OR6N1: variants seen among roughly 807,000 people sequenced by gnomAD.
OR6N1 encodes the protein olfactory receptor 6N1.
For missense variants in OR6N1, 394 were observed against 371.7 expected, an observed-to-expected ratio of 1.06 and a Z score of -0.49; for synonymous variants, 170 against 150.7, an observed-to-expected ratio of 1.13 and a Z score of -0.94.
the OR6N1 span, among the ~76,000 whole-genome samples, chr1:158,808,040 C>T: frequency 6.7e-6 from 1 of 149,078 alleles, no homozygotes; most frequent in Non-Finnish European, 1.5e-5. Flanking sequence ...AGCTGATTCT[C>T]ACAATTACCA....
At chr1:158,827,559 T>C in the OR6N1 span, among the ~76,000 whole-genome samples, 3 of 152,220 alleles carry the variant, frequency 2.0e-5, no homozygotes, top group Non-Finnish European at 4.4e-5. Flanking sequence ...CATCTATTTT[T>C]TGCAATATAC....
chr1:158,798,424 G>A, the OR6N1 span, among the ~76,000 whole-genome samples: 13 of 151,482 alleles, frequency 8.6e-5, no homozygotes, highest in East Asian at 1.7e-3. Flanking sequence ...TATACTTTTT[G>A]TTATTGTTCA....
the OR6N1 span, among the ~76,000 whole-genome samples, chr1:158,829,864 G>A: frequency 6.6e-6 from 1 of 152,272 alleles, no homozygotes; most frequent in South Asian, 2.1e-4. Flanking sequence ...GCAAGGAGGA[G>A]CAAGTCACAT....
the OR6N1 span, among the ~76,000 whole-genome samples, chr1:158,830,866 G>T: frequency 6.6e-6 from 1 of 152,104 alleles, no homozygotes; most frequent in African/African-American, 2.4e-5. Flanking sequence ...CAAGCTCCAG[G>T]TGTATCAGTT....
chr1:158,810,575 T>C, the OR6N1 span, among the ~76,000 whole-genome samples: 4 of 152,242 alleles, frequency 2.6e-5, no homozygotes, highest in South Asian at 4.1e-4. Context: ...CTGTGGACTT[T>C]ACAGTTTAAT....
At chr1:158,827,690 T>C in the OR6N1 span, among the ~76,000 whole-genome samples, 8 of 152,166 alleles carry the variant, frequency 5.3e-5, no homozygotes, top group Admixed American at 5.2e-4. Context: ...GGGAAATAAA[T>C]ATTTGGGAAA....
At chr1:158,839,204 C>G in the OR6N1 span, among the ~76,000 whole-genome samples, 3 of 152,256 alleles carry the variant, frequency 2.0e-5, no homozygotes, top group South Asian at 6.2e-4. Flanking sequence ...CCATTGTTAA[C>G]TGGCACCATA....
At position 158,765,813 on chromosome 1, in the gene OR6N1, G is replaced by T. The variant is rs1447009284; in HGVS notation, c.870C>A (p.Tyr290Ter). 6.2e-7 allele frequency: 1 copy of T among 1,614,190 alleles called. No homozygotes were observed. The highest frequency in any genetic ancestry group is 8.5e-7 in the Non-Finnish European group (1 of 1,180,022). Reference protein sequence around the residue: ...VLTPFLNPFIYSLRNKEIKEA... With the variant: ...VLTPFLNPFI ...CCTTGATCTCCTTGTTGCGCAAGCT[G>T]TAGATGAAGGGGTTGAGGAAGGGTG... is the stretch of plus-strand genomic sequence containing the variant. Residue 290 changes from tyrosine to a stop codon, truncating the protein, a stop_gained, in exon 2 of 2, where the codon TAC becomes TAA. Transcript: ENST00000641846. LOFTEE classifies it low-confidence loss of function (END_TRUNC).
chr1:158,798,436 A>G, the OR6N1 span, among the ~76,000 whole-genome samples: 2 of 151,808 alleles, frequency 1.3e-5, no homozygotes, highest in South Asian at 2.1e-4. Context: ...TATTGTTCAG[A>G]TATAGATGTT....
At chr1:158,799,357 T>C in the OR6N1 span, among the ~76,000 whole-genome samples, 1 of 152,212 alleles carries the variant, frequency 6.6e-6, no homozygotes, top group Non-Finnish European at 1.5e-5. Flanking sequence ...TGCAGGCTCA[T>C]ATAAATCGTG....
At position 158,766,396 on chromosome 1, in the gene OR6N1, C is replaced by T. The variant is rs1318280066; in HGVS notation, c.287G>A (p.Gly96Glu). The T allele has an allele frequency of 1.2e-6, 2 of 1,614,002 alleles. No homozygotes were observed. Among genetic ancestry groups the T allele is most frequent in the Non-Finnish European group, 1.7e-6 (2 of 1,180,006 alleles). The change falls in exon 2 of 2, where the codon GGG becomes GAG. Residue 96 changes from glycine to glutamate, a missense_variant. Coordinates refer to ENST00000641846, the MANE Select transcript of OR6N1 (RefSeq NM_001005185.2). The stretch of plus-strand genomic sequence containing the variant: ...AAAGAAATAGATCTGCAGGAGACAC[C>T]CAGAGAATGAAATGGTCTTTTTCTC... Reference protein sequence around the residue: ...LSEKKTISFSGCLLQIYFFHS... With the variant: ...LSEKKTISFSECLLQIYFFHS...
At chr1:158,787,624 C>A in the OR6N1 span, among the ~76,000 whole-genome samples, 1 of 133,776 alleles carries the variant, frequency 7.5e-6, no homozygotes, top group Admixed American at 7.2e-5. Flanking sequence ...CTCTCTATCT[C>A]TCTCTCTCTC....
chr1:158,784,037 C>T, the OR6N1 span, among the ~76,000 whole-genome samples: 4 of 151,976 alleles, frequency 2.6e-5, no homozygotes, highest in Non-Finnish European at 4.4e-5. Flanking sequence ...AACCGGGAGG[C>T]GGAGCTTGCA....
At chr1:158,794,947 C>T in the OR6N1 span, among the ~76,000 whole-genome samples, 9 of 152,202 alleles carry the variant, frequency 5.9e-5, no homozygotes, top group African/African-American at 1.9e-4. Flanking sequence ...TGGTGGGTGT[C>T]CCAAAGCTCC....
At chr1:158,820,112 T>C in the OR6N1 span, among the ~76,000 whole-genome samples, 1 of 152,244 alleles carries the variant, frequency 6.6e-6, no homozygotes, top group Non-Finnish European at 1.5e-5. Flanking sequence ...TGGCTAGTTA[T>C]CTGTAGCATG....
At chr1:158,787,635 T>TCTCTCTCTCACACACACACACA in the OR6N1 span, among the ~76,000 whole-genome samples, 6 of 134,208 alleles carry the variant, frequency 4.5e-5, no homozygotes, top group East Asian at 2.2e-4. Context: ...TCTCTCTCTC[T>TCTCTCTCTCACACACACACACA]CACACACACA....
At chr1:158,777,271 CT>C in the OR6N1 span, 1 of 1,614,042 alleles carries the variant, frequency 6.2e-7, no homozygotes, top group Non-Finnish European at 8.5e-7. Flanking sequence ...GGCCAGGTAT[CT>C]ATCATAGGCC....
the OR6N1 span, among the ~76,000 whole-genome samples, chr1:158,820,724 C>T: frequency 6.6e-6 from 1 of 152,066 alleles, no homozygotes; most frequent in Admixed American, 6.6e-5. Context: ...ACTTATAGAC[C>T]AAACTGCTTA....
the OR6N1 span, among the ~76,000 whole-genome samples, chr1:158,793,771 C>A: frequency 9.2e-5 from 14 of 152,092 alleles, no homozygotes; most frequent in African/African-American, 3.1e-4. Flanking sequence ...GTAGGAGGTG[C>A]CCATGGGTAA....
Sources: allele counts gnomAD v4.1 joint callset (sites outside exome capture counted in the v4.1 genomes callset), GRCh38; gene constraint gnomAD v4.1.1; transcripts MANE v1.5; gene names NCBI Gene and HGNC (gene_info 2026-07-23, HGNC 2026-07-21).